USP9X: variants seen among roughly 807,000 people sequenced by gnomAD.
USP9X encodes the protein ubiquitin carboxyl-terminal hydrolase 9X.
Under a neutral mutation model 190.3 loss-of-function variants are expected in USP9X, and 7 were observed. The observed-to-expected ratio is 0.04, with a 90% CI of 0.02 to 0.07. The LOEUF (loss-of-function observed/expected upper bound fraction) is 0.07, where lower values mean the gene tolerates loss of function less well. Ranked by LOEUF, USP9X falls within the 10% of genes least tolerant of loss-of-function variation. The pLI is 1.00. For synonymous variants in USP9X, 645 were observed against 659.5 expected, an observed-to-expected ratio of 0.98 and a Z score of 0.34; for missense variants, 1,010 against 1,916.9, an observed-to-expected ratio of 0.53 and a Z score of 8.83.
At chrX:41,198,401 TTTTCTG>T in intron 29 of USP9X, 121 bp from the exon 30 acceptor site, 1 of 342,805 alleles carries the variant, frequency 2.9e-6, no homozygotes, top group East Asian at 8.7e-5. Flanking sequence ...AAAATCTGAG[TTTTCTG>T]AGATGTAATG....
At chrX:41,125,287 G>A (rs2062226985) in intron 2 of USP9X, among the ~76,000 whole-genome samples, 1 of 109,653 alleles carries the variant, frequency 9.1e-6, no homozygotes, top group African/African-American at 3.3e-5. Flanking sequence ...TGTTGGTCAG[G>A]CTGGTCTCGA....
chrX:41,106,556 A>G (rs1255226231), intron 1 of USP9X, among the ~76,000 whole-genome samples: 2 of 73,565 alleles, frequency 2.7e-5, no homozygotes, highest in African/African-American at 1.1e-4. Context: ...TTTTAGACAG[A>G]GTCTTGCTCT....
intron 14 of USP9X, among the ~76,000 whole-genome samples, chrX:41,158,171 T>C (rs996401198): frequency 9.0e-6 from 1 of 110,971 alleles, no homozygotes; most frequent in Non-Finnish European, 1.9e-5. Flanking sequence ...TTAATGGGAA[T>C]ACCAGATGAA....
At chrX:41,100,268 C>T (rs191579647) in intron 1 of USP9X, among the ~76,000 whole-genome samples, 9 of 112,280 alleles carry the variant, frequency 8.0e-5, no homozygotes, top group African/African-American at 2.6e-4. Flanking sequence ...AATTGCTTCA[C>T]CTGCATAAAT....
At position 41,124,700 on chromosome X, in the gene USP9X, A is replaced by G. The variant is rs765074740; in HGVS notation, c.96+976A>G. ...AAATACATACAATTGTAAATTGTCA[A>G]TTTACAATAAGATTATAAAAAGAAC... On this transcript the variant is annotated intron_variant, in intron 2 of 44. Coordinates refer to ENST00000378308, the MANE Select transcript of USP9X (RefSeq NM_001039591.3). Among the ~76,000 whole-genome samples, 4 of 111,638 alleles carry G rather than the reference A, an allele frequency of 3.6e-5. 1 individual carries two copies. Among genetic ancestry groups the G allele is most frequent in the East Asian group, 5.6e-4 (2 of 3,552 alleles).
chrX:41,138,409 T>G (rs185300716), intron 6 of USP9X, among the ~76,000 whole-genome samples: 69 of 112,464 alleles, frequency 6.1e-4, no homozygotes, highest in Non-Finnish European at 1.1e-3. Flanking sequence ...AGATAAACTT[T>G]CTAAGCTGTA....
chrX:41,153,508 T>C (rs1569171062), intron 14 of USP9X, among the ~76,000 whole-genome samples: 1 of 112,551 alleles, frequency 8.9e-6, no homozygotes, highest in Non-Finnish European at 1.9e-5. Flanking sequence ...TTAAAAAACA[T>C]AAGAGTAGAG....
intron 12 of USP9X, 143 bp from the exon 13 acceptor site, chrX:41,150,778 A>T: frequency 1.6e-6 from 1 of 614,668 alleles, no homozygotes; most frequent in Non-Finnish European, 2.4e-6. Flanking sequence ...TATTTAAATT[A>T]AACTCTTTAC....
intron 1 of USP9X, among the ~76,000 whole-genome samples, chrX:41,095,058 A>C (rs2061979837): frequency 9.1e-6 from 1 of 110,363 alleles, no homozygotes; most frequent in African/African-American, 3.3e-5. Context: ...AAAAAAAAAA[A>C]AGTTCAGATT....
intron 28 of USP9X, among the ~76,000 whole-genome samples, chrX:41,196,950 C>T (rs1365756458): frequency 8.9e-6 from 1 of 112,044 alleles, no homozygotes; most frequent in Non-Finnish European, 1.9e-5. Flanking sequence ...TTACTTGACA[C>T]TTGAAATACT....
chrX:41,118,117 A>G lies in USP9X; in HGVS notation c.-158-5354A>G, dbSNP rs144571772. Among the ~76,000 whole-genome samples the G allele has an allele frequency of 2.4e-3, 274 of 112,004 alleles. 1 individual carries two copies. The highest frequency in any genetic ancestry group is 4.7e-3 in the Non-Finnish European group (250 of 53,137). Reference sequence around the variant, plus strand: ...GGTGATCCACCTGCCTCAGCCTCCCAAAGTGCTGGGATTACAGGCGTGAAA... The same window carrying G: ...GGTGATCCACCTGCCTCAGCCTCCCGAAGTGCTGGGATTACAGGCGTGAAA... On this transcript the variant is annotated intron_variant, in intron 1 of 44. Transcript: ENST00000378308.
chrX:41,122,277 G>T (rs530065356), intron 1 of USP9X, among the ~76,000 whole-genome samples: 2 of 111,171 alleles, frequency 1.8e-5, no homozygotes, highest in African/African-American at 3.3e-5. Context: ...CTCTGTATGC[G>T]TGCACCCCTG....
intron 1 of USP9X, among the ~76,000 whole-genome samples, chrX:41,090,102 T>C (rs1040384044): frequency 1.9e-5 from 2 of 107,336 alleles, no homozygotes; most frequent in Non-Finnish European, 3.8e-5. Flanking sequence ...GAGATGGGTT[T>C]TGCCTTGTTG....
At chrX:41,207,753 A>G (rs1412019980) in intron 32 of USP9X, among the ~76,000 whole-genome samples, 3 of 110,998 alleles carry the variant, frequency 2.7e-5, no homozygotes, top group African/African-American at 9.8e-5. Context: ...TGATACTCTG[A>G]TCCGCCTTCC....
intron 24 of USP9X, 126 bp downstream of exon 24, chrX:41,186,768 T>G: frequency 1.3e-6 from 1 of 772,999 alleles, no homozygotes; most frequent in Non-Finnish European, 1.9e-6. Flanking sequence ...ATTAGTACTT[T>G]CTGTTTTTAA....
Position 41,232,384 on chromosome X carries a change from C to A in USP9X, c.7528-3C>A. The A allele has an allele frequency of 8.3e-7, 1 of 1,199,779 alleles. No homozygotes were observed. The highest frequency in any genetic ancestry group is 1.1e-6 in the Non-Finnish European group (1 of 889,985). On this transcript the variant is annotated splice_polypyrimidine_tract_variant and splice_region_variant and intron_variant, in intron 44 of 44. Coordinates refer to ENST00000378308, the MANE Select transcript of USP9X (RefSeq NM_001039591.3). ...AACATACAGATCTTTTCTCCTTTCCCAGAATAACCATGTGCATGGACAGCC... is the reference window on the plus strand; with the variant it reads ...AACATACAGATCTTTTCTCCTTTCCAAGAATAACCATGTGCATGGACAGCC...
rs777993579 is a variant in USP9X at position 41,211,800 on chromosome X, C to T, written c.5189+1118C>T. On this transcript the variant is annotated intron_variant, in intron 33 of 44. Coordinates refer to ENST00000378308, the MANE Select transcript of USP9X (RefSeq NM_001039591.3). ...CCGCCCCTACTGGGAAGTGAGGAGC[C>T]CCTCTGCCCGGACAGCCGCCCCGTC... Among the ~76,000 whole-genome samples, 207 of 107,635 alleles carry T rather than the reference C, an allele frequency of 1.9e-3. 2 individuals carry two copies. Among genetic ancestry groups the T allele is most frequent in the Non-Finnish European group, 2.9e-3 (148 of 51,264 alleles). 93.5% of individuals were successfully genotyped at this position (107,635 alleles called of 115,157 possible). A position where few individuals can be genotyped will look rare whatever the true frequency, so the allele number is the denominator to read the frequency against.
At chrX:41,177,650 A>G (rs755290343) in intron 21 of USP9X, among the ~76,000 whole-genome samples, 18 of 112,338 alleles carry the variant, frequency 1.6e-4, no homozygotes, top group Non-Finnish European at 3.0e-4. Context: ...CATTTGTTTT[A>G]TCATCTATTG....
intron 6 of USP9X, among the ~76,000 whole-genome samples, chrX:41,139,101 A>G (rs1439547373): frequency 8.9e-6 from 1 of 112,701 alleles, no homozygotes; most frequent in Non-Finnish European, 1.9e-5. Context: ...CTGCTGTTTT[A>G]TAAATATTGT....
Sources: allele counts gnomAD v4.1 joint callset (sites outside exome capture counted in the v4.1 genomes callset), GRCh38; gene constraint gnomAD v4.1.1; transcripts MANE v1.5; gene names NCBI Gene and HGNC (gene_info 2026-07-23, HGNC 2026-07-21).